Variants in PEX5L observed in about 807,000 individuals in gnomAD.
The protein encoded by PEX5L is PEX5-related protein.
In PEX5L, 30 loss-of-function variants were observed where a neutral mutation model predicts 84.0. That is an observed-to-expected ratio of 0.36 (90% CI 0.27 to 0.48). The LOEUF (loss-of-function observed/expected upper bound fraction) is 0.48, where lower values mean the gene tolerates loss of function less well. PEX5L is among the 20% of genes least tolerant of loss of function. The pLI is 0.99. For synonymous variants in PEX5L, 270 were observed against 283.1 expected, an observed-to-expected ratio of 0.95 and a Z score of 0.46; for missense variants, 533 against 754.6, an observed-to-expected ratio of 0.71 and a Z score of 3.44.
chr3:179,847,606 G>A (rs1740055028), intron 8 of PEX5L, among the ~76,000 whole-genome samples: 2 of 152,174 alleles, frequency 1.3e-5, no homozygotes, highest in Admixed American at 6.5e-5. Flanking sequence ...TTGTGTATTT[G>A]ATGTTCTACA....
chr3:179,802,719 A>T (rs1456391372), intron 14 of PEX5L, among the ~76,000 whole-genome samples: 1 of 152,174 alleles, frequency 6.6e-6, no homozygotes, highest in East Asian at 1.9e-4. Context: ...TAGGTTTAAG[A>T]GGAAGAATAT....
intron 8 of PEX5L, among the ~76,000 whole-genome samples, chr3:179,854,880 C>T (rs1368567528): frequency 6.6e-6 from 1 of 152,018 alleles, no homozygotes; most frequent in African/African-American, 2.4e-5. Flanking sequence ...TAAAAACAAA[C>T]AAGAAAGGAC....
At chr3:179,845,452 C>T (rs1738958526) in intron 8 of PEX5L, among the ~76,000 whole-genome samples, 1 of 152,146 alleles carries the variant, frequency 6.6e-6, no homozygotes, top group South Asian at 2.1e-4. Flanking sequence ...TTCTCTCAGT[C>T]CATTAAAGGT....
rs115609651 is a variant in PEX5L at position 179,942,657 on chromosome 3, A to G, written c.93+28937T>C. On this transcript the variant is annotated intron_variant, in intron 2 of 14. Coordinates refer to ENST00000467460, the MANE Select transcript of PEX5L (RefSeq NM_016559.3). ...ACTCTGCCTTCACTGGGACGCACAC[A>G]TGGAAGACAGTGGACTGGGACAGAG... Among the ~76,000 whole-genome samples, 617 of 152,312 alleles carry G rather than the reference A, an allele frequency of 4.1e-3. 8 individuals are homozygous for G. The Middle Eastern group carries it at 0.075, about 18-fold the overall frequency.
At chr3:179,947,300 TA>T (rs34433833) in intron 2 of PEX5L, among the ~76,000 whole-genome samples, 28,959 of 151,990 alleles carry the variant, frequency 0.19, 3,307 homozygotes, top group Non-Finnish European at 0.26. Flanking sequence ...ATTAATTGAA[TA>T]AAAATTATAT....
chr3:179,976,756 A>G (rs1785839114), intron 1 of PEX5L, among the ~76,000 whole-genome samples: 1 of 152,210 alleles, frequency 6.6e-6, no homozygotes, highest in South Asian at 2.1e-4. Flanking sequence ...TTGAATGGAA[A>G]TGGAAATGGA....
intron 2 of PEX5L, among the ~76,000 whole-genome samples, chr3:179,934,546 A>G (rs1166794439): frequency 2.0e-5 from 3 of 152,194 alleles, no homozygotes; most frequent in Non-Finnish European, 4.4e-5. Flanking sequence ...CTTGCCTAGT[A>G]AAAAATGAAA....
chr3:179,948,853 T>G (rs977938488), intron 2 of PEX5L, among the ~76,000 whole-genome samples: 6 of 152,268 alleles, frequency 3.9e-5, no homozygotes, highest in African/African-American at 1.4e-4. Flanking sequence ...TTAACAGAAT[T>G]GTATGAACTG....
chr3:179,819,068 CTG>C (rs908318677), intron 9 of PEX5L, among the ~76,000 whole-genome samples: 1 of 151,358 alleles, frequency 6.6e-6, no homozygotes, highest in Non-Finnish European at 1.5e-5. Context: ...GGGTCTCACT[CTG>C]TTGTTCAGGC....
intron 1 of PEX5L, chr3:179,973,848 A>G (rs1579180179): frequency 2.0e-6 from 2 of 985,354 alleles, no homozygotes; most frequent in Non-Finnish European, 2.4e-6. Flanking sequence ...GGAGGCATTT[A>G]GAGCTCTGGT....
At chr3:179,976,794 G>C (rs565057069) in intron 1 of PEX5L, among the ~76,000 whole-genome samples, 2 of 152,234 alleles carry the variant, frequency 1.3e-5, no homozygotes, top group African/African-American at 4.8e-5. Context: ...CTAGCTAAAA[G>C]ATAGAAAGTA....
At chr3:179,931,879 A>T (rs1465682498) in intron 2 of PEX5L, among the ~76,000 whole-genome samples, 1 of 152,204 alleles carries the variant, frequency 6.6e-6, no homozygotes, top group Non-Finnish European at 1.5e-5. Flanking sequence ...AAGATTAAAA[A>T]GTGTGACAGT....
At chr3:179,893,293 C>T (rs1384016296) in intron 3 of PEX5L, among the ~76,000 whole-genome samples, 1 of 152,148 alleles carries the variant, frequency 6.6e-6, no homozygotes, top group Non-Finnish European at 1.5e-5. Flanking sequence ...TCTGAAACTA[C>T]ATTTGCTTTA....
chr3:179,971,751 CTT>C, intron 1 of PEX5L, 86 bp from the exon 2 acceptor site: 1 of 1,331,232 alleles, frequency 7.5e-7, no homozygotes, highest in Non-Finnish European at 1.0e-6. Context: ...AGATAAAAGT[CTT>C]AGCCTTGTTC....
intron 8 of PEX5L, among the ~76,000 whole-genome samples, chr3:179,857,886 A>G: frequency 6.6e-6 from 1 of 152,366 alleles, no homozygotes; most frequent in Non-Finnish European, 1.5e-5. Context: ...TCAGTTGATC[A>G]CATTCAAGAG....
intron 2 of PEX5L, among the ~76,000 whole-genome samples, chr3:179,958,596 G>A (rs1034443424): frequency 6.6e-6 from 1 of 152,132 alleles, no homozygotes; most frequent in Non-Finnish European, 1.5e-5. Context: ...GGGTTAACAA[G>A]TTTCACCTCT....
intron 8 of PEX5L, among the ~76,000 whole-genome samples, chr3:179,853,148 G>T (rs2108475680): frequency 6.6e-6 from 1 of 152,178 alleles, no homozygotes; most frequent in Admixed American, 6.5e-5. Context: ...GTGATCACCT[G>T]GTTTGTATTT....
intron 2 of PEX5L, among the ~76,000 whole-genome samples, chr3:179,910,031 A>C (rs1002334989): frequency 2.0e-5 from 3 of 152,244 alleles, no homozygotes; most frequent in Non-Finnish European, 4.4e-5. Flanking sequence ...ATGACTACGA[A>C]GCGGTCTTAC....
chr3:180,030,440 C>A (rs1791348825), intron 1 of PEX5L, among the ~76,000 whole-genome samples: 1 of 152,322 alleles, frequency 6.6e-6, no homozygotes, highest in Middle Eastern at 3.4e-3. Context: ...CCAGTTTTAA[C>A]CCTCAAGGCT....
Sources: allele counts gnomAD v4.1 joint callset (sites outside exome capture counted in the v4.1 genomes callset), GRCh38; gene constraint gnomAD v4.1.1; transcripts MANE v1.5; gene names NCBI Gene and HGNC (gene_info 2026-07-23, HGNC 2026-07-21).